The following RANBP10 variants were observed in gnomAD, a reference collection of about 807,000 sequenced individuals.
RANBP10 encodes RAN binding protein 10.
Under a neutral mutation model 72.8 loss-of-function variants are expected in RANBP10, and 24 were observed. The ratio of observed to expected loss-of-function variants is 0.33; its 90% CI spans 0.24 to 0.46. RANBP10 has a LOEUF of 0.46. RANBP10 is among the 20% of genes least tolerant of loss of function. The probability of loss-of-function intolerance (pLI) is 1.00; values close to 1 mark genes in which losing one functional copy is unlikely to be tolerated. For synonymous variants in RANBP10, 310 were observed against 322.3 expected, an observed-to-expected ratio of 0.96 and a Z score of 0.41; for missense variants, 679 against 817.5, an observed-to-expected ratio of 0.83 and a Z score of 2.07.
At chr16:67,760,760 C>T (rs986734545) in intron 3 of RANBP10, among the ~76,000 whole-genome samples, 1 of 152,178 alleles carries the variant, frequency 6.6e-6, no homozygotes, top group Non-Finnish European at 1.5e-5. Context: ...TCACACCGAG[C>T]GAACAGCTGC....
At chr16:67,786,195 G>A (rs1303979265) in intron 2 of RANBP10, among the ~76,000 whole-genome samples, 1 of 151,772 alleles carries the variant, frequency 6.6e-6, no homozygotes, top group Admixed American at 6.6e-5. Flanking sequence ...CAGTCATGGT[G>A]GCATGCACCT....
intron 6 of RANBP10, among the ~76,000 whole-genome samples, chr16:67,733,401 A>G (rs2053773257): frequency 6.6e-6 from 1 of 152,140 alleles, no homozygotes; most frequent in African/African-American, 2.4e-5. Context: ...TTATTATTAC[A>G]CCATATTATT....
Position 67,740,745 on chromosome 16 carries a change from T to G in RANBP10, c.569-2710A>C, listed in dbSNP as rs536140843. 7.2e-5 allele frequency among the ~76,000 whole-genome samples: 11 copies of G among 152,258 alleles called. No homozygotes were observed. The East Asian group carries it at 1.4e-3, about 19-fold the overall frequency. On this transcript the variant is annotated intron_variant, in intron 4 of 13. Transcript: ENST00000317506. The stretch of plus-strand genomic sequence containing the variant: ...ATGAAAAAACCAAGATGCAGAGAGA[T>G]GGTTTATATTCTTTGTTCGGCTATT...
At chr16:67,748,322 C>A (rs1322553559) in intron 3 of RANBP10, among the ~76,000 whole-genome samples, 1 of 151,352 alleles carries the variant, frequency 6.6e-6, no homozygotes, top group African/African-American at 2.4e-5. Flanking sequence ...GAGTTTAAGA[C>A]CAGCCTAGCC....
intron 2 of RANBP10, among the ~76,000 whole-genome samples, chr16:67,780,687 C>G (rs529846725): frequency 1.3e-5 from 2 of 152,256 alleles, no homozygotes; most frequent in South Asian, 4.1e-4. Context: ...TGGAAGATGA[C>G]AAGGGTGGGA....
chr16:67,769,479 C>T (rs559696762), intron 3 of RANBP10, among the ~76,000 whole-genome samples: 3 of 119,190 alleles, frequency 2.5e-5, no homozygotes, highest in African/African-American at 9.0e-5. Context: ...GGCGCAGTGG[C>T]TCACGCCTGT....
At chr16:67,765,543 T>C (rs912200668) in intron 3 of RANBP10, among the ~76,000 whole-genome samples, 1 of 151,058 alleles carries the variant, frequency 6.6e-6, no homozygotes, top group African/African-American at 2.4e-5. Flanking sequence ...AATAAATAAA[T>C]AAATTAGTCG....
intron 12 of RANBP10, 30 bp from the exon 13 acceptor site, chr16:67,727,468 G>C: frequency 6.3e-7 from 1 of 1,585,658 alleles, no homozygotes; most frequent in Non-Finnish European, 8.6e-7. Context: ...TGAGAGGACT[G>C]TGGCACACAC....
chr16:67,774,627 T>G (rs1048174046), intron 2 of RANBP10, among the ~76,000 whole-genome samples: 1 of 152,090 alleles, frequency 6.6e-6, no homozygotes, highest in Non-Finnish European at 1.5e-5. Flanking sequence ...ACACCCACAT[T>G]TGGGCACCAT....
rs768960411 is a variant in RANBP10 at position 67,769,443 on chromosome 16, C to CAAAAAAAA, written c.400+2583_400+2590dup. ...TGGGAAACGAAGCAAGACCCTGTCTCAAAAAAAAAAAAAAAAAAAGTGCTG... is the reference window on the plus strand; with the variant it reads ...TGGGAAACGAAGCAAGACCCTGTCTCAAAAAAAAAAAAAAAAAAAAAAAAAAAGTGCTG... On this transcript the variant is annotated intron_variant, in intron 3 of 13. Transcript: ENST00000317506. Among the ~76,000 whole-genome samples the CAAAAAAAA allele has an allele frequency of 4.4e-3, 133 of 30,302 alleles. 33 individuals are homozygous for CAAAAAAAA. Among genetic ancestry groups the CAAAAAAAA allele is most frequent in the African/African-American group, 0.015 (117 of 7,980 alleles). 19.9% of individuals were successfully genotyped at this position (30,302 alleles called of 152,430 possible). A position where few individuals can be genotyped will look rare whatever the true frequency, so the allele number is the denominator to read the frequency against.
intron 3 of RANBP10, 130 bp downstream of exon 3, chr16:67,771,904 A>T: frequency 9.4e-7 from 1 of 1,062,786 alleles, no homozygotes; most frequent in Non-Finnish European, 1.4e-6. Context: ...AGGATCCTCC[A>T]ACCAGTAGCA....
chr16:67,746,305 C>A (rs985288376), intron 3 of RANBP10, among the ~76,000 whole-genome samples: 5 of 150,524 alleles, frequency 3.3e-5, no homozygotes, highest in Non-Finnish European at 7.4e-5. Context: ...CACGGTGAAA[C>A]CCCATCTCTA....
In RANBP10 at chr16:67,726,051, C is replaced by A; in HGVS notation, c.*377G>T. The A allele has an allele frequency of 5.4e-6, 1 of 186,162 alleles. No individual in the cohort carries two copies. Among genetic ancestry groups the A allele is most frequent in the Non-Finnish European group, 1.1e-5 (1 of 87,406 alleles). 11.5% of individuals were successfully genotyped at this position (186,162 alleles called of 1,614,324 possible). On this transcript the variant is annotated 3_prime_UTR_variant, in exon 14 of 14. Transcript: ENST00000317506. ...TCACCAACTTGGATAGGCTTCATCA[C>A]TAAATTAGCAGAAACCAGCTCAGCA...
intron 2 of RANBP10, among the ~76,000 whole-genome samples, chr16:67,795,563 AT>A (rs1481227687): frequency 6.6e-6 from 1 of 151,252 alleles, no homozygotes; most frequent in African/African-American, 2.4e-5. Context: ...AAATAAAATA[AT>A]TTTTTAAAAA....
intron 4 of RANBP10, among the ~76,000 whole-genome samples, chr16:67,743,750 C>CT (rs1163461978): frequency 2.0e-5 from 3 of 152,316 alleles, no homozygotes; most frequent in African/African-American, 7.2e-5. Flanking sequence ...TTCCCCTGGT[C>CT]TTTACTCTGG....
rs1397771386 is a variant in RANBP10, at chr16:67,729,399, T to G, written c.1233A>C (p.Ser411=). 2 of 1,611,648 alleles carry G rather than the reference T, an allele frequency of 1.2e-6. No homozygotes were observed. The highest frequency in any genetic ancestry group is 2.2e-5 in the South Asian group (2 of 90,934). ...ACGAGGAGGAGGAGGAGGACGAGGA[T>G]GAGGAGCTGGGTGCAGGGTATTTAC... is the stretch of plus-strand genomic sequence containing the variant. ...NHSKYPAPSS[S]SSSSSSSSSS... Residue 411 remains serine (S), a synonymous_variant, in exon 10 of 14, where the codon TCA becomes TCC. Transcript: ENST00000317506. This position sits in a 1 kb window ranked among gnomAD's most constrained non-coding sequence, Gnocchi z 7.1.
At chr16:67,758,516 T>C (rs568703996) in intron 3 of RANBP10, among the ~76,000 whole-genome samples, 1 of 152,202 alleles carries the variant, frequency 6.6e-6, no homozygotes, top group South Asian at 2.1e-4. Context: ...CGGAGTGGCA[T>C]CCCCACATTC....
chr16:67,777,274 C>A (rs181937037), intron 2 of RANBP10, among the ~76,000 whole-genome samples: 227 of 152,148 alleles, frequency 1.5e-3, no homozygotes, highest in Non-Finnish European at 2.6e-3. Flanking sequence ...CGGTGGCTCA[C>A]GCCTATAATC....
At chr16:67,751,843 G>A (rs1344501983) in intron 3 of RANBP10, among the ~76,000 whole-genome samples, 1 of 152,032 alleles carries the variant, frequency 6.6e-6, no homozygotes, top group Non-Finnish European at 1.5e-5. Context: ...TTGAACCTGG[G>A]AGGTGGAGAT....
Sources: gnomAD v4.1 joint callset for allele counts (sites outside exome capture counted in the v4.1 genomes callset) on GRCh38, gnomAD v4.1.1 for gene constraint, Gnocchi (gnomAD v3.1) non-coding constraint, MANE v1.5 for transcripts, NCBI Gene and HGNC (gene_info 2026-07-23, HGNC 2026-07-21) for gene names.